Variants in C12orf56 observed in about 807,000 individuals in gnomAD.
The protein encoded by C12orf56 is uncharacterized protein C12orf56.
C12orf56 carries 71 observed loss-of-function variants against 69.9 expected under a neutral mutation model. The ratio of observed to expected loss-of-function variants is 1.02; its 90% CI spans 0.84 to 1.24. The LOEUF (loss-of-function observed/expected upper bound fraction) is 1.24. Ranked by LOEUF, C12orf56 falls within the 50% of genes most tolerant of loss-of-function variation. The pLI is 0.00. For synonymous variants in C12orf56, 276 were observed against 274.1 expected, an observed-to-expected ratio of 1.01 and a Z score of -0.07; for missense variants, 732 against 738.5, an observed-to-expected ratio of 0.99 and a Z score of 0.10.
intron 6 of C12orf56, among the ~76,000 whole-genome samples, chr12:64,296,245 G>A (rs2038363623): frequency 6.6e-6 from 1 of 152,198 alleles, no homozygotes; most frequent in Admixed American, 6.5e-5. Context: ...GATTAAAGGT[G>A]ATGCTGGTGG....
chr12:64,366,106 A>T (rs373985255), intron 1 of C12orf56, among the ~76,000 whole-genome samples: 1 of 66,034 alleles, frequency 1.5e-5, no homozygotes, highest in Non-Finnish European at 3.6e-5. Flanking sequence ...TATATATTAT[A>T]TATAATATAT....
At chr12:64,309,763 G>A (rs2136820177) in intron 5 of C12orf56, among the ~76,000 whole-genome samples, 1 of 151,994 alleles carries the variant, frequency 6.6e-6, no homozygotes, top group Non-Finnish European at 1.5e-5. Flanking sequence ...CTCCCTCCTC[G>A]GCCTCCCAAA....
At chr12:64,293,512 G>T (rs1010185085) in intron 6 of C12orf56, 1 of 152,126 alleles carries the variant, frequency 6.6e-6, no homozygotes, top group Non-Finnish European at 1.5e-5. Flanking sequence ...TTTCAAATGG[G>T]TTAATAATAT....
chr12:64,319,674 G>C (rs764247298), intron 3 of C12orf56, among the ~76,000 whole-genome samples: 5 of 152,274 alleles, frequency 3.3e-5, no homozygotes, highest in African/African-American at 9.6e-5. Context: ...CTTTAAACAC[G>C]GGGCTTGCAA....
intron 1 of C12orf56, among the ~76,000 whole-genome samples, chr12:64,358,729 G>A (rs1475094720): frequency 2.0e-5 from 3 of 151,872 alleles, no homozygotes; most frequent in African/African-American, 4.8e-5. Flanking sequence ...AGGAGGGAGA[G>A]GTTGCAGTGA....
intron 1 of C12orf56, among the ~76,000 whole-genome samples, chr12:64,363,556 G>A (rs1381810476): frequency 6.6e-6 from 1 of 152,160 alleles, no homozygotes; most frequent in Non-Finnish European, 1.5e-5. Flanking sequence ...GAGGGGAAAT[G>A]GTTGCCAGAG....
chr12:64,368,290 C>T (rs927829363), intron 1 of C12orf56, among the ~76,000 whole-genome samples: 1 of 152,124 alleles, frequency 6.6e-6, no homozygotes, highest in Non-Finnish European at 1.5e-5. Flanking sequence ...CTGTACTACA[C>T]AAACATGATT....
intron 1 of C12orf56, among the ~76,000 whole-genome samples, chr12:64,371,699 G>A (rs1483345556): frequency 7.9e-5 from 12 of 151,394 alleles, no homozygotes. Flanking sequence ...GCATGGTGGT[G>A]CACACCTGTA....
At chr12:64,340,988 TTCCATGCATACTCTTTCTTAAC>T (rs2039067001) in intron 2 of C12orf56, among the ~76,000 whole-genome samples, 2 of 152,176 alleles carry the variant, frequency 1.3e-5, no homozygotes, top group Non-Finnish European at 2.9e-5. Context: ...ATCTCCTGTA[TTCCATGCATACTCTTTCTTAAC>T]TCCATTGTGG....
chr12:64,342,359 G>A (rs557115760), intron 2 of C12orf56, among the ~76,000 whole-genome samples: 7 of 152,298 alleles, frequency 4.6e-5, no homozygotes, highest in South Asian at 2.1e-4. Context: ...AGGGATGTCC[G>A]AGAAAGAGGC....
chr12:64,372,037 T>C (rs2039579506), intron 1 of C12orf56, among the ~76,000 whole-genome samples: 1 of 151,510 alleles, frequency 6.6e-6, no homozygotes, highest in Non-Finnish European at 1.5e-5. Context: ...CTCCTCGGCC[T>C]CCATAAGTCC....
At chr12:64,380,269 C>T (rs1446336906) in intron 1 of C12orf56, among the ~76,000 whole-genome samples, 3 of 152,120 alleles carry the variant, frequency 2.0e-5, no homozygotes, top group Non-Finnish European at 4.4e-5. Flanking sequence ...CTCTGCCACC[C>T]ACTGCCTGAG....
chr12:64,296,018 G>T (rs1396657263), intron 6 of C12orf56, among the ~76,000 whole-genome samples: 3 of 152,158 alleles, frequency 2.0e-5, no homozygotes, highest in Non-Finnish European at 2.9e-5. Flanking sequence ...TGTTATGTCT[G>T]TGAAGGTATT....
intron 6 of C12orf56, among the ~76,000 whole-genome samples, chr12:64,296,119 T>C (rs1037325173): frequency 1.3e-5 from 2 of 152,170 alleles, no homozygotes; most frequent in Non-Finnish European, 2.9e-5. Context: ...GAAGTGGAAT[T>C]GTTGCTATAA....
chr12:64,267,200 G>A lies in C12orf56; in HGVS notation c.1852C>T (p.Leu618=), dbSNP rs747878158. Reference sequence around the variant, plus strand: ...GTTTGTTTCTATTCAACCAATTTCAGAACTTCATGAAAAAGTTGAATGGTA... The same window carrying A: ...GTTTGTTTCTATTCAACCAATTTCAAAACTTCATGAAAAAGTTGAATGGTA... ...QPTIQLFHEV[L]KLVE The change falls in exon 13 of 13, where the codon CTG becomes TTG. Residue 618 remains leucine (L), a synonymous_variant. Transcript: ENST00000543942. 1.2e-6 allele frequency: 2 copies of A among 1,607,876 alleles called. No homozygotes were observed. The highest frequency in any genetic ancestry group is 1.7e-6 in the Non-Finnish European group (2 of 1,176,434).
intron 6 of C12orf56, among the ~76,000 whole-genome samples, chr12:64,302,999 G>A (rs545033009): frequency 1.2e-4 from 18 of 152,154 alleles, no homozygotes; most frequent in South Asian, 6.2e-4. Flanking sequence ...CAGGCAGGGC[G>A]CGGTGGTTCA....
At chr12:64,312,056 G>A (rs889424574) in intron 5 of C12orf56, among the ~76,000 whole-genome samples, 1 of 152,148 alleles carries the variant, frequency 6.6e-6, no homozygotes, top group Non-Finnish European at 1.5e-5. Context: ...GGAGAGAGGA[G>A]GCAAGGGTGA....
chr12:64,265,223 C>G lies in C12orf56; in HGVS notation c.*1960G>C, dbSNP rs1411907722. The stretch of plus-strand genomic sequence containing the variant: ...TGATTGACCGTCTCTTGAAAATAAT[C>G]CCCCATCTAACAGCCAGGACACTCA... On this transcript the variant is annotated 3_prime_UTR_variant, in exon 13 of 13. Coordinates refer to ENST00000543942, the MANE Select transcript of C12orf56 (RefSeq NM_001170633.2). 1.3e-5 allele frequency: 2 copies of G among 152,146 alleles called. No homozygotes were observed. The allele number at this position is 152,146 out of a possible 1,614,324, so 9.4% of individuals were successfully genotyped here.
intron 7 of C12orf56, among the ~76,000 whole-genome samples, chr12:64,285,207 T>G (rs1374331805): frequency 6.6e-6 from 1 of 151,722 alleles, no homozygotes; most frequent in Non-Finnish European, 1.5e-5. Context: ...AAGAAAAAAA[T>G]TGTTGAATGA....
Sources: allele counts gnomAD v4.1 joint callset (sites outside exome capture counted in the v4.1 genomes callset), GRCh38; gene constraint gnomAD v4.1.1; transcripts MANE v1.5; gene names NCBI Gene and HGNC (gene_info 2026-07-23, HGNC 2026-07-21).